Variants in BMP7 observed in about 807,000 individuals in gnomAD.
BMP7 encodes the protein bone morphogenetic protein 7, also known as osteogenic protein 1.
BMP7 carries 12 observed loss-of-function variants against 41.2 expected under a neutral mutation model. The ratio of observed to expected loss-of-function variants is 0.29; its 90% confidence interval spans 0.19 to 0.47. The LOEUF is 0.47. Among genes scored for constraint, BMP7 ranks in the 20% least tolerant of loss-of-function variants. BMP7 has a pLI of 0.99. For synonymous variants in BMP7, 248 were observed against 250.0 expected (o/e 0.99, Z 0.07); for missense variants, 467 against 606.0 (o/e 0.77, Z 2.41).
intron 1 of BMP7, among the ~76,000 whole-genome samples, chr20:57,240,506 A>G (rs189389890): frequency 6.6e-6 from 1 of 152,352 alleles, no homozygotes; most frequent in African/African-American, 2.4e-5. Flanking sequence ...TCTACCTGTT[A>G]GCCAGTTCCA....
At chr20:57,206,718 G>C (rs746766533) in intron 2 of BMP7, among the ~76,000 whole-genome samples, 7 of 151,962 alleles carry the variant, frequency 4.6e-5, no homozygotes, top group Non-Finnish European at 1.0e-4. Context: ...ATTAGGAAGA[G>C]CCAGGTTAAG....
intron 6 of BMP7, 195 bp downstream of exon 6, chr20:57,173,005 A>G: frequency 1.5e-6 from 1 of 656,982 alleles, no homozygotes; most frequent in Non-Finnish European, 2.7e-6. Context: ...GTCGAAGATT[A>G]TACTCCTCTT....
intron 2 of BMP7, among the ~76,000 whole-genome samples, chr20:57,209,283 A>T (rs1262925076): frequency 7.5e-6 from 1 of 132,714 alleles, no homozygotes; most frequent in Admixed American, 7.5e-5. Flanking sequence ...ATATATATAT[A>T]TATGTATATA....
At chr20:57,212,091 C>A (rs947759991) in intron 2 of BMP7, among the ~76,000 whole-genome samples, 2 of 152,164 alleles carry the variant, frequency 1.3e-5, no homozygotes, top group Admixed American at 6.5e-5. Context: ...GCGTAGCACA[C>A]AAGAGGGTCA....
At chr20:57,250,664 T>C (rs192418518) in intron 1 of BMP7, among the ~76,000 whole-genome samples, 1 of 152,254 alleles carries the variant, frequency 6.6e-6, no homozygotes, top group Non-Finnish European at 1.5e-5. Flanking sequence ...TATATAACTT[T>C]ACTGTGAAAG....
At chr20:57,226,243 G>C (rs2066005675) in intron 2 of BMP7, among the ~76,000 whole-genome samples, 1 of 152,224 alleles carries the variant, frequency 6.6e-6, no homozygotes, top group Non-Finnish European at 1.5e-5. Flanking sequence ...AGAGCTGCCG[G>C]AGCTGAGTGG....
intron 1 of BMP7, among the ~76,000 whole-genome samples, chr20:57,252,960 G>A (rs1000259280): frequency 6.6e-6 from 1 of 152,120 alleles, no homozygotes; most frequent in African/African-American, 2.4e-5. Flanking sequence ...ATAATACACA[G>A]GACAGCTCCC....
intron 4 of BMP7, among the ~76,000 whole-genome samples, chr20:57,179,182 C>G (rs531952640): frequency 6.6e-6 from 1 of 152,320 alleles, no homozygotes; most frequent in Admixed American, 6.5e-5. Context: ...GCCGGAGCTC[C>G]TGTGTATCCT....
chr20:57,174,787 C>T lies in BMP7; in HGVS notation c.1035+144G>A. ...CATGAGGCCTCCCTGTATCCTTAGC[C>T]CAAGTCCCCTTCCCTAGCGAGGCCA... On this transcript the variant is annotated intron_variant, in intron 5 of 6. Coordinates refer to ENST00000395863, the MANE Select transcript of BMP7 (RefSeq NM_001719.3). This position sits in a 1 kb window ranked among gnomAD's most constrained non-coding sequence, Gnocchi z 4.3. The T allele has an allele frequency of 1.1e-6, 1 of 893,284 alleles. No homozygotes were observed. Among genetic ancestry groups the T allele is most frequent in the Non-Finnish European group, 1.8e-6 (1 of 562,844 alleles). The allele number at this position is 893,284 out of a possible 1,614,324, so 55.3% of individuals were successfully genotyped here.
At position 57,213,095 on chromosome 20, in the gene BMP7, C is replaced by T. The variant is rs1348514609; in HGVS notation, c.612-10472G>A. Reference sequence around the variant, plus strand: ...ACAAAGAGGCACAATATCCTCCTGCCCCAGACAGAGCTCGGGTGGCCACCC... The same window carrying T: ...ACAAAGAGGCACAATATCCTCCTGCTCCAGACAGAGCTCGGGTGGCCACCC... On this transcript the variant is annotated intron_variant, in intron 2 of 6. Coordinates refer to ENST00000395863, the MANE Select transcript of BMP7 (RefSeq NM_001719.3). This position sits in a 1 kb window ranked among gnomAD's most constrained non-coding sequence, Gnocchi z 4.4. 6.6e-6 allele frequency among the ~76,000 whole-genome samples: 1 copy of T among 152,226 alleles called. No individual in the cohort carries two copies. Among genetic ancestry groups the T allele is most frequent in the Non-Finnish European group, 1.5e-5 (1 of 68,036 alleles).
intron 2 of BMP7, among the ~76,000 whole-genome samples, chr20:57,205,681 G>C (rs6025439): frequency 6.6e-6 from 1 of 152,166 alleles, no homozygotes; most frequent in Non-Finnish European, 1.5e-5. Flanking sequence ...ACAGGCCCTC[G>C]AGGACAGTAA....
intron 3 of BMP7, among the ~76,000 whole-genome samples, chr20:57,187,919 C>T (rs778040341): frequency 1.1e-4 from 16 of 152,178 alleles, no homozygotes; most frequent in South Asian, 2.1e-4. Context: ...GAATCTTCCC[C>T]TTTGTCACCA....
chr20:57,171,260 T>C lies in BMP7; in HGVS notation c.1147-152A>G, dbSNP rs16980799. The stretch of plus-strand genomic sequence containing the variant: ...CAAGCACTCCCTGTTCTAAGCACTT[T>C]ACATGGACAACTCAGTTCTGGGATT... On this transcript the variant is annotated intron_variant, in intron 6 of 6. Coordinates refer to ENST00000395863, the MANE Select transcript of BMP7 (RefSeq NM_001719.3). The surrounding 1 kb of genome is among the most constrained non-coding windows in gnomAD (Gnocchi z 4.5). The C allele has an allele frequency of 3.3e-3, 3,666 of 1,124,550 alleles. 76 individuals are homozygous for C. The African/African-American group carries it at 0.049, about 15-fold the overall frequency. 69.7% of individuals were successfully genotyped at this position (1,124,550 alleles called of 1,614,324 possible).
chr20:57,202,705 CA>C, intron 2 of BMP7, 82 bp from the exon 3 acceptor site: 5 of 747,556 alleles, frequency 6.7e-6, no homozygotes, highest in East Asian at 4.5e-5. Flanking sequence ...AGCAGAGCCT[CA>C]TGGGGTGGGA....
At chr20:57,181,351 C>T (rs1984074918) in intron 4 of BMP7, among the ~76,000 whole-genome samples, 1 of 151,974 alleles carries the variant, frequency 6.6e-6, no homozygotes, top group African/African-American at 2.4e-5. Flanking sequence ...CAAAAAATAG[C>T]CAGGTGTGGT....
At chr20:57,217,037 C>T (rs1476921468) in intron 2 of BMP7, among the ~76,000 whole-genome samples, 5 of 152,148 alleles carry the variant, frequency 3.3e-5, no homozygotes, top group Non-Finnish European at 5.9e-5. Context: ...CGTGAGCCCC[C>T]GCATGTGGAA....
rs1403412347 is a variant in BMP7 at position 57,266,636 on chromosome 20, C to A, written c.-514G>T. ...GCACAAGAGGCCGCCTCGGGAGCGCCAGAGTGGTACGCGCTGGGGCCTGGG... is the reference window on the plus strand; with the variant it reads ...GCACAAGAGGCCGCCTCGGGAGCGCAAGAGTGGTACGCGCTGGGGCCTGGG... On this transcript the variant is annotated 5_prime_UTR_variant, in exon 1 of 7. Coordinates refer to ENST00000395863, the MANE Select transcript of BMP7 (RefSeq NM_001719.3). 2 of 152,462 alleles carry A rather than the reference C, an allele frequency of 1.3e-5. No homozygotes were observed. The highest frequency in any genetic ancestry group is 2.9e-5 in the Non-Finnish European group (2 of 68,304). 9.4% of individuals were successfully genotyped at this position (152,462 alleles called of 1,614,324 possible).
intron 1 of BMP7, among the ~76,000 whole-genome samples, chr20:57,237,294 C>T (rs577582745): frequency 3.9e-5 from 6 of 152,248 alleles, no homozygotes; most frequent in South Asian, 2.1e-4. Context: ...TTCACAGACC[C>T]GAGGACTGCT....
rs1418431829 is a variant in BMP7, at chr20:57,213,307, C to A, written c.612-10684G>T. Among the ~76,000 whole-genome samples, 1 of 152,182 alleles carries A rather than the reference C, an allele frequency of 6.6e-6. No homozygotes were observed. The highest frequency in any genetic ancestry group is 1.5e-5 in the Non-Finnish European group (1 of 68,034). On this transcript the variant is annotated intron_variant, in intron 2 of 6. Transcript: ENST00000395863. The surrounding 1 kb of genome is among the most constrained non-coding windows in gnomAD (Gnocchi z 4.4). ...ATGTTCTAGCCCTCAGTTTCTCCAT[C>A]CACAAGACAAAGGGTTTGGAGTTTA...
Sources: gnomAD v4.1 joint callset for allele counts (sites outside exome capture counted in the v4.1 genomes callset) on GRCh38, gnomAD v4.1.1 for gene constraint, Gnocchi (gnomAD v3.1) non-coding constraint, MANE v1.5 for transcripts, NCBI Gene and HGNC (gene_info 2026-07-23, HGNC 2026-07-21) for gene names.